Variants in GAGE10 observed in about 807,000 individuals in gnomAD.
GAGE10 encodes G antigen 10.
Under a neutral mutation model 11.5 loss-of-function variants are expected in GAGE10, and 9 were observed. That is an observed-to-expected ratio of 0.78 (90% CI 0.47 to 1.37). The LOEUF (loss-of-function observed/expected upper bound fraction) is 1.37, where lower values mean the gene tolerates loss of function less well. Among genes scored for constraint, GAGE10 ranks in the 40% most tolerant of loss-of-function variants. The pLI is 0.00. For synonymous variants in GAGE10, 23 were observed against 29.7 expected, an observed-to-expected ratio of 0.77 and a Z score of 0.73; for missense variants, 83 against 92.9, an observed-to-expected ratio of 0.89 and a Z score of 0.44.
intron 4 of GAGE10, among the ~76,000 whole-genome samples, chrX:49,317,490 G>C (rs1444596521): frequency 9.0e-6 from 1 of 111,629 alleles, no homozygotes; most frequent in African/African-American, 3.3e-5. Flanking sequence ...TGGGCTTATG[G>C]ACATACACCA....
intron 3 of GAGE10, among the ~76,000 whole-genome samples, chrX:49,305,736 TA>T (rs1362269257): frequency 8.9e-6 from 1 of 111,861 alleles, no homozygotes; most frequent in Admixed American, 9.4e-5. Context: ...CTCACTATGA[TA>T]AAAGTTCTCA....
At chrX:49,313,737 A>T (rs782493943) in intron 3 of GAGE10, among the ~76,000 whole-genome samples, 18 of 111,810 alleles carry the variant, frequency 1.6e-4, no homozygotes, top group Non-Finnish European at 2.8e-4. Context: ...GCCTGAAACC[A>T]GTGGCAGCAG....
intron 3 of GAGE10, among the ~76,000 whole-genome samples, chrX:49,306,404 T>C (rs1489380671): frequency 8.9e-6 from 1 of 112,037 alleles, no homozygotes; most frequent in Non-Finnish European, 1.9e-5. Flanking sequence ...ACGGGGTTCA[T>C]TTATGGAATA....
intron 3 of GAGE10, among the ~76,000 whole-genome samples, chrX:49,316,948 G>A (rs1438206634): frequency 4.5e-5 from 5 of 111,021 alleles, no homozygotes; most frequent in Non-Finnish European, 7.5e-5. Context: ...TCTGAGGGCA[G>A]TCTCTGGAAA....
At chrX:49,308,242 C>T (rs2066364177) in intron 3 of GAGE10, among the ~76,000 whole-genome samples, 1 of 112,257 alleles carries the variant, frequency 8.9e-6, no homozygotes, top group Admixed American at 9.4e-5. Context: ...CCCTCGGTCT[C>T]TCTGATTCCT....
Position 49,304,764 on chromosome X carries a change from A to G in GAGE10, c.-8-88A>G, listed in dbSNP as rs57716539. 637 of 1,059,460 alleles carry G rather than the reference A, an allele frequency of 6.0e-4. 2 individuals carry two copies. The African/African-American group carries it at 0.01, about 17-fold the overall frequency. The allele number at this position is 1,059,460 out of a possible 1,213,427, so 87.3% of individuals were successfully genotyped here. ...ATTTTGAAAGTATTTTCAAAATTAA[A>G]ACGACAAGTTAACATTTATCCATGG... is the stretch of plus-strand genomic sequence containing the variant. On this transcript the variant is annotated intron_variant, in intron 1 of 4. Transcript: ENST00000407599.
chrX:49,313,520 T>C (rs2066382001), intron 3 of GAGE10, among the ~76,000 whole-genome samples: 2 of 111,623 alleles, frequency 1.8e-5, no homozygotes. Context: ...GGAGTGGGAA[T>C]GTAGGAGGTG....
intron 3 of GAGE10, among the ~76,000 whole-genome samples, chrX:49,306,291 A>G (rs1283753243): frequency 8.9e-6 from 1 of 112,285 alleles, no homozygotes; most frequent in African/African-American, 3.2e-5. Flanking sequence ...CTGACTGACA[A>G]CAATGCCCAT....
intron 3 of GAGE10, among the ~76,000 whole-genome samples, chrX:49,309,901 G>A (rs1326225548): frequency 8.9e-6 from 1 of 112,179 alleles, no homozygotes; most frequent in Non-Finnish European, 1.9e-5. Context: ...TTATGCTTAC[G>A]CCTCTTACGA....
At chrX:49,306,384 T>C (rs1444635491) in intron 3 of GAGE10, among the ~76,000 whole-genome samples, 2 of 111,974 alleles carry the variant, frequency 1.8e-5, no homozygotes, top group African/African-American at 6.5e-5. Flanking sequence ...TATTTGGTGC[T>C]TTGTTCTTCA....
At chrX:49,309,731 C>T (rs1383828306) in intron 3 of GAGE10, among the ~76,000 whole-genome samples, 1 of 112,014 alleles carries the variant, frequency 8.9e-6, no homozygotes, top group Non-Finnish European at 1.9e-5. Context: ...TCCCTACATT[C>T]CAATCTACCC....
chrX:49,313,374 G>C (rs782500594), intron 3 of GAGE10, among the ~76,000 whole-genome samples: 2 of 112,135 alleles, frequency 1.8e-5, no homozygotes, highest in Non-Finnish European at 1.9e-5. Flanking sequence ...TCCAGGTCAG[G>C]TGTACACCTA....
Position 49,304,330 on chromosome X carries a change from T to C in GAGE10, c.-8-522T>C, listed in dbSNP as rs781882166. 8.9e-5 allele frequency among the ~76,000 whole-genome samples: 10 copies of C among 112,533 alleles called. No individual in the cohort carries two copies. The East Asian group carries it at 2.0e-3, about 22-fold the overall frequency. On this transcript the variant is annotated intron_variant, in intron 1 of 4. Coordinates refer to ENST00000407599, the MANE Select transcript of GAGE10 (RefSeq NM_001098413.4). ...GCTGTGCGGTCCAATCAAACTTGAT[T>C]TGAGAGAAGTGAATGGCTCTAGTAA...
chrX:49,316,148 A>G (rs1345875531), intron 3 of GAGE10, among the ~76,000 whole-genome samples: 2 of 112,035 alleles, frequency 1.8e-5, no homozygotes, highest in African/African-American at 6.5e-5. Context: ...AAAGAGCTGG[A>G]GTCCTTTAAA....
intron 3 of GAGE10, among the ~76,000 whole-genome samples, chrX:49,309,505 T>C (rs1317777246): frequency 8.9e-6 from 1 of 112,146 alleles, no homozygotes; most frequent in Non-Finnish European, 1.9e-5. Context: ...TGTAGAATGC[T>C]CGCAGCTCAT....
intron 3 of GAGE10, among the ~76,000 whole-genome samples, chrX:49,316,532 G>A (rs1222250449): frequency 1.8e-5 from 2 of 111,056 alleles, no homozygotes; most frequent in Non-Finnish European, 3.8e-5. Flanking sequence ...TAATTATCCC[G>A]CAGAAGTGAG....
At position 49,317,143 on chromosome X, in the gene GAGE10, A is replaced by G. The variant is rs2066395022; in HGVS notation, c.203-20A>G. ...TTCATGTTTTACTGCTTAAATTGAT[A>G]TGTATTTTTTATTTTTAATGGCCGA... On this transcript the variant is annotated intron_variant, in intron 3 of 4. Coordinates refer to ENST00000407599, the MANE Select transcript of GAGE10 (RefSeq NM_001098413.4). 2 of 1,185,484 alleles carry G rather than the reference A, an allele frequency of 1.7e-6. No homozygotes were observed. Among genetic ancestry groups the G allele is most frequent in the Non-Finnish European group, 2.3e-6 (2 of 877,627 alleles).
chrX:49,309,818 T>C (rs2066369996), intron 3 of GAGE10, among the ~76,000 whole-genome samples: 1 of 110,529 alleles, frequency 9.0e-6, no homozygotes, highest in South Asian at 3.9e-4. Context: ...GAAGGAGAAA[T>C]CAGAGCTCCA....
Position 49,316,600 on chromosome X carries a change from C to G in GAGE10, c.203-563C>G, listed in dbSNP as rs191389786. Among the ~76,000 whole-genome samples, 4 of 111,922 alleles carry G rather than the reference C, an allele frequency of 3.6e-5. No homozygotes were observed. In the East Asian group the frequency reaches 1.1e-3, roughly 31 times the overall value. The stretch of plus-strand genomic sequence containing the variant: ...AGAATTCCTTTTTCTGATCCGGAGT[C>G]AAGTTCAGGATCACATCTTGCATGT... On this transcript the variant is annotated intron_variant, in intron 3 of 4. Coordinates refer to ENST00000407599, the MANE Select transcript of GAGE10 (RefSeq NM_001098413.4).
Sources: gnomAD v4.1 joint callset for allele counts (sites outside exome capture counted in the v4.1 genomes callset) on GRCh38, gnomAD v4.1.1 for gene constraint, MANE v1.5 for transcripts, NCBI Gene and HGNC (gene_info 2026-07-23, HGNC 2026-07-21) for gene names.